Variants in SOD2 observed in about 807,000 individuals in gnomAD.
The protein encoded by SOD2 is superoxide dismutase 2, also known as superoxide dismutase [Mn], mitochondrial.
In SOD2, 11 loss-of-function variants were observed where a neutral mutation model predicts 27.0. That is an observed-to-expected ratio of 0.41 (90% CI 0.26 to 0.67). The LOEUF is 0.67. Among genes scored for constraint, SOD2 ranks in the 30% least tolerant of loss-of-function variants. SOD2 has a pLI of 0.34. For synonymous variants in SOD2, 105 were observed against 103.0 expected (o/e 1.02, Z -0.12); for missense variants, 250 against 274.5 (o/e 0.91, Z 0.63).
rs1456688250 is a variant in SOD2, at chr6:159,701,585, A to AG, written c.-115-8723_-115-8722insC. ...ACCCTGTTTCAAAAAAAAAAAAAAA[A>AG]AAAAGTCATGGGACCAGCATTTGAT... On this transcript the variant is annotated intron_variant, in intron 1 of 2. Transcript: ENST00000401980. Among the ~76,000 whole-genome samples, 3 of 150,084 alleles carry AG rather than the reference A, an allele frequency of 2.0e-5. No individual in the cohort carries two copies. In the East Asian group the frequency reaches 5.9e-4, roughly 30 times the overall value.
chr6:159,749,598 A>G (rs1254390803), upstream of SOD2, among the ~76,000 whole-genome samples: 2 of 152,212 alleles, frequency 1.3e-5, no homozygotes, highest in African/African-American at 4.8e-5. Context: ...AAAGACCTAC[A>G]TAAAAGACAA....
At chr6:159,737,924 A>G (rs1779020479) in intron 1 of SOD2, among the ~76,000 whole-genome samples, 1 of 152,228 alleles carries the variant, frequency 6.6e-6, no homozygotes, top group African/African-American at 2.4e-5. Flanking sequence ...TGAAATAATT[A>G]TAGATTCATA....
chr6:159,730,554 A>C (rs1266119484), upstream of SOD2, among the ~76,000 whole-genome samples: 1 of 152,236 alleles, frequency 6.6e-6, no homozygotes, highest in South Asian at 2.1e-4. Flanking sequence ...AATGTTGTAG[A>C]CAGTTGTAAA....
At chr6:159,703,405 CT>C (rs35071828) in intron 1 of SOD2, among the ~76,000 whole-genome samples, 112,629 of 148,206 alleles carry the variant, frequency 0.76, 42,848 homozygotes, top group South Asian at 0.85. Flanking sequence ...GGCTTTACCT[CT>C]TTTTTTTTTT....
chr6:159,670,123 T>C lies in SOD2; in HGVS notation c.*12370A>G. ...CATGACCTCAAGGGATCCTCCCAAC[T>C]CAGCCTCTCAAGTAGCTGGGACTAT... On this transcript the variant is annotated 3_prime_UTR_variant, in exon 5 of 5. Transcript: ENST00000538183. 6.6e-6 allele frequency: 1 copy of C among 152,342 alleles called. No individual in the cohort carries two copies. Among genetic ancestry groups the C allele is most frequent in the Non-Finnish European group, 1.5e-5 (1 of 68,092 alleles). 9.4% of individuals were successfully genotyped at this position (152,342 alleles called of 1,614,324 possible). A position where few individuals can be genotyped will look rare whatever the true frequency, so the allele number is the denominator to read the frequency against.
chr6:159,759,180 C>T (rs1211238295), intron 1 of SOD2, among the ~76,000 whole-genome samples: 2 of 150,784 alleles, frequency 1.3e-5, no homozygotes, highest in African/African-American at 2.4e-5. Context: ...CTGCCTCAGC[C>T]TCCCTAGTAG....
intron 1 of SOD2, among the ~76,000 whole-genome samples, chr6:159,724,557 C>A (rs575023489): frequency 6.6e-6 from 1 of 152,162 alleles, no homozygotes; most frequent in African/African-American, 2.4e-5. Flanking sequence ...TTCACCCCAA[C>A]ACAGATGAAA....
At chr6:159,712,405 G>A (rs866974754) in intron 1 of SOD2, among the ~76,000 whole-genome samples, 736 of 68,186 alleles carry the variant, frequency 0.011, 18 homozygotes, top group Middle Eastern at 0.043. Context: ...CACTCACACT[G>A]CTCTGATCAC....
At chr6:159,761,005 A>G (rs1780112661) in intron 1 of SOD2, 1 of 152,092 alleles carries the variant, frequency 6.6e-6, no homozygotes, top group Non-Finnish European at 1.5e-5. Flanking sequence ...TTCCTTCTCT[A>G]TTGCCCCACC....
Position 159,672,928 on chromosome 6 carries a change from A to G in SOD2, c.*9565T>C, listed in dbSNP as rs1779700418. 6.6e-6 allele frequency: 1 copy of G among 152,194 alleles called. No individual in the cohort carries two copies. The highest frequency in any genetic ancestry group is 1.5e-5 in the Non-Finnish European group (1 of 68,046). 9.4% of individuals were successfully genotyped at this position (152,194 alleles called of 1,614,324 possible). The stretch of plus-strand genomic sequence containing the variant: ...TCTACCAAGCAAACGGAAAACAAAA[A>G]AAAAGGCCGGGGTTGCAATCCTAGT... On this transcript the variant is annotated 3_prime_UTR_variant, in exon 5 of 5. Coordinates refer to ENST00000538183, the MANE Select transcript of SOD2 (RefSeq NM_000636.4).
chr6:159,754,289 C>T (rs1281963307), intron 1 of SOD2, among the ~76,000 whole-genome samples: 1 of 152,174 alleles, frequency 6.6e-6, no homozygotes, highest in African/African-American at 2.4e-5. Flanking sequence ...TTTCCTGTGA[C>T]TTTTGTCCTT....
chr6:159,734,547 C>T (rs1778789276), intron 1 of SOD2, among the ~76,000 whole-genome samples: 1 of 152,042 alleles, frequency 6.6e-6, no homozygotes, highest in South Asian at 2.1e-4. Flanking sequence ...CGTGATCCTT[C>T]CACAGGTAGT....
rs921026601 is a variant in SOD2 at position 159,673,377 on chromosome 6, A to G, written c.*9116T>C. 3.3e-5 allele frequency: 5 copies of G among 152,236 alleles called. No homozygotes were observed. Among genetic ancestry groups the G allele is most frequent in the Admixed American group, 2.0e-4 (3 of 15,276 alleles). The allele number at this position is 152,236 out of a possible 1,614,324, so 9.4% of individuals were successfully genotyped here. ...AAGCACTCCTCAGCAAATGTAAAAG[A>G]ACAGAAATTATAACATACTGTCTCA... is the stretch of plus-strand genomic sequence containing the variant. On this transcript the variant is annotated 3_prime_UTR_variant, in exon 5 of 5. Coordinates refer to ENST00000538183, the MANE Select transcript of SOD2 (RefSeq NM_000636.4).
At chr6:159,754,318 G>A (rs1460677156) in intron 1 of SOD2, among the ~76,000 whole-genome samples, 1 of 152,170 alleles carries the variant, frequency 6.6e-6, no homozygotes, top group Admixed American at 6.5e-5. Flanking sequence ...AACAGTCCTT[G>A]GTTGAGAACA....
intron 1 of SOD2, among the ~76,000 whole-genome samples, chr6:159,739,270 C>T (rs1398681333): frequency 6.6e-6 from 1 of 152,086 alleles, no homozygotes; most frequent in African/African-American, 2.4e-5. Flanking sequence ...AAATATATGG[C>T]TTGTTTTGTG....
At position 159,679,791 on chromosome 6, in the gene SOD2, T is replaced by G. The variant is rs556809955; in HGVS notation, c.*2702A>C. ...CTATTTCTATTATGAAAAACAGAGC[T>G]AAACAATTTTTGTATTTTTAGTAGA... On this transcript the variant is annotated 3_prime_UTR_variant, in exon 5 of 5. Coordinates refer to ENST00000538183, the MANE Select transcript of SOD2 (RefSeq NM_000636.4). 70 of 152,290 alleles carry G rather than the reference T, an allele frequency of 4.6e-4. No individual in the cohort carries two copies. The highest frequency in any genetic ancestry group is 1.5e-3 in the African/African-American group (64 of 41,566). The allele number at this position is 152,290 out of a possible 1,614,324, so 9.4% of individuals were successfully genotyped here.
intron 1 of SOD2, among the ~76,000 whole-genome samples, chr6:159,724,480 G>C (rs1778101732): frequency 6.6e-6 from 1 of 152,172 alleles, no homozygotes; most frequent in Non-Finnish European, 1.5e-5. Context: ...TTCATCCTTA[G>C]AATACACAGT....
chr6:159,721,851 T>C (rs940648085), intron 1 of SOD2, among the ~76,000 whole-genome samples: 2 of 152,092 alleles, frequency 1.3e-5, no homozygotes. Flanking sequence ...ATTAGGTAAG[T>C]AGCCTGTAGA....
At chr6:159,743,954 A>G (rs1040781999) in intron 1 of SOD2, among the ~76,000 whole-genome samples, 1 of 152,116 alleles carries the variant, frequency 6.6e-6, no homozygotes, top group Non-Finnish European at 1.5e-5. Flanking sequence ...AATTTTGATA[A>G]TGTCTCATTT....
Sources: allele counts gnomAD v4.1 joint callset (sites outside exome capture counted in the v4.1 genomes callset), GRCh38; gene constraint gnomAD v4.1.1; transcripts MANE v1.5; gene names NCBI Gene and HGNC (gene_info 2026-07-23, HGNC 2026-07-21).